BOC: variants seen among roughly 807,000 people sequenced by gnomAD.
BOC encodes the protein brother of CDO.
BOC carries 76 observed loss-of-function variants against 112.0 expected under a neutral mutation model. The ratio of observed to expected loss-of-function variants is 0.68; its 90% CI spans 0.56 to 0.82. BOC has a LOEUF of 0.82. Ranked by LOEUF, BOC falls within the 40% of genes least tolerant of loss-of-function variation. BOC has a pLI of 0.00. For missense variants in BOC, 1,309 were observed against 1,511.7 expected, an observed-to-expected ratio of 0.87 and a Z score of 2.22; for synonymous variants, 580 against 599.8, an observed-to-expected ratio of 0.97 and a Z score of 0.48.
intron 2 of BOC, among the ~76,000 whole-genome samples, chr3:113,237,785 GTCTC>G (rs1481201157): frequency 6.6e-6 from 1 of 152,184 alleles, no homozygotes; most frequent in African/African-American, 2.4e-5. Context: ...ATAACAGTGT[GTCTC>G]TCTCTGTATG....
chr3:113,236,832 T>C (rs1156910077), intron 2 of BOC, among the ~76,000 whole-genome samples: 1 of 152,168 alleles, frequency 6.6e-6, no homozygotes, highest in Non-Finnish European at 1.5e-5. Context: ...GGAAGAAAAG[T>C]TTCATGACCC....
At chr3:113,273,530 C>G (rs78110980) in intron 8 of BOC, among the ~76,000 whole-genome samples, 189 bp downstream of exon 8, 8 of 152,308 alleles carry the variant, frequency 5.3e-5, no homozygotes, top group Non-Finnish European at 7.4e-5. Context: ...CATTTAATTG[C>G]TGTATTTTAA....
At position 113,284,576 on chromosome 3, in the gene BOC, T is replaced by C; in HGVS notation, c.2889+9T>C. The stretch of plus-strand genomic sequence containing the variant: ...CAGGCGAGCTTCAGCAGGTAGCGCA[T>C]TCTTGGGTGTGGGCGGCAGGTATGG... On this transcript the variant is annotated intron_variant, in intron 17 of 19. Transcript: ENST00000682979. 6.2e-7 allele frequency: 1 copy of C among 1,607,192 alleles called. No homozygotes were observed. The highest frequency in any genetic ancestry group is 8.5e-7 in the Non-Finnish European group (1 of 1,176,790).
Position 113,274,772 on chromosome 3 carries a change from G to A in BOC, c.1542+90G>A. The A allele has an allele frequency of 7.3e-7, 1 of 1,361,098 alleles. No homozygotes were observed. The highest frequency in any genetic ancestry group is 9.9e-7 in the Non-Finnish European group (1 of 1,005,218). The allele number at this position is 1,361,098 out of a possible 1,614,324, so 84.3% of individuals were successfully genotyped here. A position where few individuals can be genotyped will look rare whatever the true frequency, so the allele number is the denominator to read the frequency against. ...CACTGTCTCTTGGCCATCTCCCCTTGAGCTCCTGAAGCCTGAGCCGGTAAT... is the reference window on the plus strand; with the variant it reads ...CACTGTCTCTTGGCCATCTCCCCTTAAGCTCCTGAAGCCTGAGCCGGTAAT... On this transcript the variant is annotated intron_variant, in intron 9 of 19. Transcript: ENST00000682979. The surrounding 1 kb of genome is among the most constrained non-coding windows in gnomAD (Gnocchi z 4.8).
At chr3:113,265,605 G>A (rs1395565357) in intron 4 of BOC, among the ~76,000 whole-genome samples, 4 of 152,314 alleles carry the variant, frequency 2.6e-5, no homozygotes, top group African/African-American at 4.8e-5. Context: ...CAAAGTTACC[G>A]ATGTTTAGCT....
chr3:113,256,324 T>G (rs868447679), intron 4 of BOC, among the ~76,000 whole-genome samples: 1 of 152,150 alleles, frequency 6.6e-6, no homozygotes, highest in African/African-American at 2.4e-5. Context: ...TCCTGTGACT[T>G]TCTTAGTTCC....
chr3:113,257,345 C>G (rs1205085893), intron 4 of BOC, among the ~76,000 whole-genome samples: 2 of 152,140 alleles, frequency 1.3e-5, no homozygotes, highest in South Asian at 2.1e-4. Flanking sequence ...CCCTGTTGCC[C>G]CAGCCCCTAC....
At chr3:113,286,315 G>T (rs1188964517) in intron 19 of BOC, among the ~76,000 whole-genome samples, 1 of 152,122 alleles carries the variant, frequency 6.6e-6, no homozygotes, top group Non-Finnish European at 1.5e-5. Flanking sequence ...ATTGTGAGTG[G>T]GATGATTGTA....
chr3:113,233,148 G>GTGTGTGTGTGT (rs1553725801), intron 2 of BOC, among the ~76,000 whole-genome samples: 3 of 123,960 alleles, frequency 2.4e-5, no homozygotes, highest in African/African-American at 6.2e-5. Context: ...AAAGGATTGG[G>GTGTGTGTGTGT]GTGTGTGTGT....
Position 113,278,739 on chromosome 3 carries a change from C to A in BOC, c.1772C>A (p.Ala591Asp). ...EQQIQRDDPG[A>D]SPQSSSQPDH... The stretch of plus-strand genomic sequence containing the variant: ...CAGATCCAGAGAGACGACCCTGGAG[C>A]CAGTCCCCAGAGCAGCAGCCAGCCA... The change falls in exon 11 of 20, where the codon GCC becomes GAC. Residue 591 changes from alanine to aspartate, a missense_variant. Ala to Asp is a moderately radical substitution (Grantham distance 126, BLOSUM62 -2). Transcript: ENST00000682979. The surrounding 1 kb of genome is among the most constrained non-coding windows in gnomAD (Gnocchi z 4.2). The A allele has an allele frequency of 6.4e-7, 1 of 1,566,078 alleles. No homozygotes were observed. Among genetic ancestry groups the A allele is most frequent in the Non-Finnish European group, 8.7e-7 (1 of 1,155,274 alleles).
chr3:113,285,457 G>A lies in BOC; in HGVS notation c.3052G>A (p.Asp1018Asn), dbSNP rs199688330. ...STHQLLQPHH[D>N]CCQRQEQPAA... is the part of the protein sequence containing the mutation. ...TCACCAGCTGCTGCAGCCCCATCACGACTGCTGCCAACGCCAGGAGCAGCC... is the reference window on the plus strand; with the variant it reads ...TCACCAGCTGCTGCAGCCCCATCACAACTGCTGCCAACGCCAGGAGCAGCC... Residue 1018 changes from aspartate (D) to asparagine (N), a missense_variant, in exon 19 of 20, where the codon GAC becomes AAC. Asp to Asn is a conservative substitution (Grantham distance 23, BLOSUM62 1). Coordinates refer to ENST00000682979, the MANE Select transcript of BOC (RefSeq NM_001378074.1). The A allele has an allele frequency of 3.0e-5, 48 of 1,614,076 alleles. No individual in the cohort carries two copies. Among genetic ancestry groups the A allele is most frequent in the Admixed American group, 1.2e-4 (7 of 60,032 alleles).
chr3:113,280,748 T>C, intron 14 of BOC, 85 bp downstream of exon 14: 5 of 1,187,494 alleles, frequency 4.2e-6, no homozygotes, highest in Non-Finnish European at 6.3e-6. Flanking sequence ...TGAAATCTGG[T>C]GAAGCATAAA....
rs1945603973 is a variant in BOC at position 113,251,241 on chromosome 3, C to CG, written c.376+410dup. 2.7e-5 allele frequency: 10 copies of CG among 364,720 alleles called. 2 individuals carry two copies. The South Asian group carries it at 4.9e-4, about 18-fold the overall frequency. 22.6% of individuals were successfully genotyped at this position (364,720 alleles called of 1,614,324 possible). On this transcript the variant is annotated intron_variant, in intron 4 of 19. Transcript: ENST00000682979. ...CCTCCATTCTCACCACAGTTACAGT[C>CG]GGAGCAGGGAGAGACAGGACACCAA...
intron 9 of BOC, among the ~76,000 whole-genome samples, chr3:113,276,058 A>G (rs1237369899): frequency 6.6e-6 from 1 of 152,234 alleles, no homozygotes; most frequent in Admixed American, 6.5e-5. Context: ...AGCATTGTTC[A>G]CATGTTGTAG....
chr3:113,270,584 A>T, intron 5 of BOC: 1 of 523,446 alleles, frequency 1.9e-6, no homozygotes, highest in Non-Finnish European at 3.3e-6. Context: ...CTGGTTGGTT[A>T]GTTACCTTTT....
chr3:113,260,712 C>CAGAA (rs879669643), intron 4 of BOC, among the ~76,000 whole-genome samples: 8,805 of 103,524 alleles, frequency 0.085, 286 homozygotes, highest in East Asian at 0.12. Context: ...CAGAACAGAA[C>CAGAA]AGAACAGAAA....
chr3:113,275,215 G>C (rs1576484266), intron 9 of BOC, among the ~76,000 whole-genome samples: 2 of 152,224 alleles, frequency 1.3e-5, no homozygotes, highest in Non-Finnish European at 2.9e-5. Context: ...GTCATGGCTT[G>C]GGTTGGACAA....
intron 4 of BOC, chr3:113,251,215 C>G: frequency 2.3e-6 from 1 of 433,830 alleles, no homozygotes; most frequent in Non-Finnish European, 4.1e-6. Flanking sequence ...CCAGTCCCCT[C>G]CCTCCATTCT....
intron 4 of BOC, among the ~76,000 whole-genome samples, chr3:113,262,792 G>A (rs982441645): frequency 6.6e-6 from 1 of 152,240 alleles, no homozygotes; most frequent in South Asian, 2.1e-4. Context: ...CTTGGGGGTT[G>A]AGAATTGTGT....
Sources: gnomAD v4.1 joint callset for allele counts (sites outside exome capture counted in the v4.1 genomes callset) on GRCh38, gnomAD v4.1.1 for gene constraint, Gnocchi (gnomAD v3.1) non-coding constraint, MANE v1.5 for transcripts, NCBI Gene and HGNC (gene_info 2026-07-23, HGNC 2026-07-21) for gene names.